ADRA1B: variants seen among roughly 807,000 people sequenced by gnomAD.
ADRA1B encodes the protein alpha-1B adrenergic receptor.
A neutral mutation model predicts 17.9 loss-of-function variants in ADRA1B; 17 were observed. The observed-to-expected ratio is 0.95, with a 90% CI of 0.65 to 1.42. The LOEUF (loss-of-function observed/expected upper bound fraction) is 1.42, where lower values mean the gene tolerates loss of function less well. ADRA1B is among the 40% of genes most tolerant of loss of function. The pLI is 0.00. For synonymous variants in ADRA1B, 366 were observed against 327.6 expected (o/e 1.12, Z -1.27); for missense variants, 681 against 722.1 (o/e 0.94, Z 0.65).
chr5:159,867,299 T>C (rs1753670067), intron 1 of ADRA1B, among the ~76,000 whole-genome samples: 1 of 152,174 alleles, frequency 6.6e-6, no homozygotes, highest in African/African-American at 2.4e-5. Context: ...ACTAATTCCA[T>C]TCTACCCCGT....
intron 1 of ADRA1B, among the ~76,000 whole-genome samples, chr5:159,968,498 C>A (rs970500754): frequency 1.3e-5 from 2 of 152,196 alleles, no homozygotes; most frequent in African/African-American, 4.8e-5. Flanking sequence ...TGCTTTCCTG[C>A]TCTAGATCCT....
At chr5:159,910,428 T>C (rs974570356) in intron 1 of ADRA1B, among the ~76,000 whole-genome samples, 4 of 152,188 alleles carry the variant, frequency 2.6e-5, no homozygotes, top group Non-Finnish European at 2.9e-5. Context: ...TGGAGTCAAA[T>C]CTCCTGGCTA....
intron 1 of ADRA1B, among the ~76,000 whole-genome samples, chr5:159,963,436 C>G (rs138655568): frequency 6.6e-6 from 1 of 152,108 alleles, no homozygotes; most frequent in Non-Finnish European, 1.5e-5. Context: ...CCTCGGGCAA[C>G]TTACCTATAT....
At chr5:159,979,498 G>A in the ADRA1B span, among the ~76,000 whole-genome samples, 1 of 152,194 alleles carries the variant, frequency 6.6e-6, no homozygotes, top group Non-Finnish European at 1.5e-5. Flanking sequence ...AAAGGGCTTT[G>A]GGAATCCAAG....
chr5:159,901,740 C>T (rs11746691), intron 1 of ADRA1B, among the ~76,000 whole-genome samples: 1 of 151,924 alleles, frequency 6.6e-6, no homozygotes, highest in African/African-American at 2.4e-5. Context: ...AAATGGCCAA[C>T]AAGCATAAGA....
chr5:159,955,970 T>C (rs1755543718), intron 1 of ADRA1B, among the ~76,000 whole-genome samples: 1 of 152,146 alleles, frequency 6.6e-6, no homozygotes, highest in Non-Finnish European at 1.5e-5. Flanking sequence ...AGGCCAGGCA[T>C]AATGGCTCCT....
At chr5:159,899,332 C>G (rs1442038193) in intron 1 of ADRA1B, among the ~76,000 whole-genome samples, 2 of 111,778 alleles carry the variant, frequency 1.8e-5, no homozygotes, top group African/African-American at 7.9e-5. Flanking sequence ...GGAAAGGCAA[C>G]TAGTGGAAGA....
chr5:159,961,783 A>C (rs1263026013), intron 1 of ADRA1B, among the ~76,000 whole-genome samples: 1 of 152,246 alleles, frequency 6.6e-6, no homozygotes, highest in Non-Finnish European at 1.5e-5. Context: ...CCAGAGTCCC[A>C]GAATGTCAGG....
At chr5:159,891,011 C>T (rs1378831426) in intron 1 of ADRA1B, among the ~76,000 whole-genome samples, 1 of 152,172 alleles carries the variant, frequency 6.6e-6, no homozygotes, top group East Asian at 1.9e-4. Context: ...CATGCTGCAC[C>T]TGCCATTCTA....
intron 1 of ADRA1B, among the ~76,000 whole-genome samples, chr5:159,872,387 C>A (rs527966431): frequency 9.9e-5 from 15 of 152,110 alleles, no homozygotes; most frequent in Non-Finnish European, 1.5e-4. Context: ...GATGCAGGAG[C>A]CTGGGAGCTA....
chr5:159,951,255 G>T (rs1755431250), intron 1 of ADRA1B: 2 of 999,702 alleles, frequency 2.0e-6, no homozygotes, highest in African/African-American at 1.6e-5. Flanking sequence ...GATTTTGGAG[G>T]GATCTTGCTC....
chr5:159,916,286 CCCGCCCTCG>C (rs1754299539), upstream of ADRA1B: 1 of 152,098 alleles, frequency 6.6e-6, no homozygotes, highest in Non-Finnish European at 1.5e-5. Flanking sequence ...ACGCCCAGGT[CCCGCCCTCG>C]CGGCCCCTGC....
intron 1 of ADRA1B, among the ~76,000 whole-genome samples, chr5:159,969,027 A>C (rs939881648): frequency 6.6e-6 from 1 of 152,210 alleles, no homozygotes; most frequent in African/African-American, 2.4e-5. Context: ...CCATAGTTGC[A>C]TTTCAGCTGG....
At chr5:159,883,520 G>A (rs1181860042) in intron 1 of ADRA1B, among the ~76,000 whole-genome samples, 1 of 152,190 alleles carries the variant, frequency 6.6e-6, no homozygotes, top group Non-Finnish European at 1.5e-5. Flanking sequence ...TTAGCCTAGA[G>A]CAACAGTCAG....
chr5:159,945,841 G>A (rs571096895), intron 1 of ADRA1B, among the ~76,000 whole-genome samples: 34 of 151,178 alleles, frequency 2.2e-4, no homozygotes, highest in African/African-American at 7.8e-4. Context: ...TCCGCCTCCC[G>A]GGTTGACGCC....
intron 1 of ADRA1B, among the ~76,000 whole-genome samples, chr5:159,885,067 C>T (rs997894196): frequency 5.9e-5 from 9 of 152,096 alleles, no homozygotes; most frequent in African/African-American, 2.2e-4. Flanking sequence ...TTCAGCTGCC[C>T]TCTCATCAGA....
At chr5:159,924,959 C>G (rs1352695699) in intron 1 of ADRA1B, among the ~76,000 whole-genome samples, 4 of 152,174 alleles carry the variant, frequency 2.6e-5, no homozygotes, top group Admixed American at 2.6e-4. Context: ...TCTCTGTATT[C>G]CCTCATTTAT....
chr5:159,869,792 G>A (rs1561578841), intron 1 of ADRA1B: 1 of 152,068 alleles, frequency 6.6e-6, no homozygotes, highest in Admixed American at 6.5e-5. Flanking sequence ...AATAATAATC[G>A]CTCCTGCTTC....
intron 1 of ADRA1B, among the ~76,000 whole-genome samples, chr5:159,897,273 G>A (rs1025898728): frequency 1.3e-5 from 2 of 152,042 alleles, no homozygotes; most frequent in Non-Finnish European, 2.9e-5. Context: ...GGATCATGAG[G>A]TCACGAGTTC....
Sources: allele counts gnomAD v4.1 joint callset (sites outside exome capture counted in the v4.1 genomes callset), GRCh38; gene constraint gnomAD v4.1.1; transcripts MANE v1.5; gene names NCBI Gene and HGNC (gene_info 2026-07-23, HGNC 2026-07-21).